PDSS2: variants seen among roughly 807,000 people sequenced by gnomAD.
PDSS2 encodes the protein decaprenyl diphosphate synthase subunit 2.
In PDSS2, 31 loss-of-function variants were observed where a neutral mutation model predicts 44.5. The observed-to-expected ratio is 0.70, with a 90% CI of 0.52 to 0.94. The LOEUF is 0.94. PDSS2 is among the 40% of genes least tolerant of loss of function. The pLI is 0.00. For missense variants in PDSS2, 452 were observed against 482.2 expected (o/e 0.94, Z 0.59); for synonymous variants, 157 against 180.3 (o/e 0.87, Z 1.03).
chr6:107,456,466 G>T (rs957741862), intron 1 of PDSS2, among the ~76,000 whole-genome samples: 2 of 152,142 alleles, frequency 1.3e-5, no homozygotes, highest in Non-Finnish European at 2.9e-5. Context: ...GTCACATAAG[G>T]TCATATGCAA....
At position 107,154,517 on chromosome 6, in the gene PDSS2, CAT is replaced by C; in HGVS notation, c.*100_*101del. On this transcript the variant is annotated 3_prime_UTR_variant, in exon 8 of 8. Coordinates refer to ENST00000369037, the MANE Select transcript of PDSS2 (RefSeq NM_020381.4). ...AATGTGATAAAAGGAAGGAAAAATG[CAT>C]ATGTTTTAAAAGTCATTAACGCATC... The C allele has an allele frequency of 1.9e-6, 2 of 1,053,308 alleles. No homozygotes were observed. Among genetic ancestry groups the C allele is most frequent in the East Asian group, 2.4e-5 (1 of 40,914 alleles). The allele number at this position is 1,053,308 out of a possible 1,614,324, so 65.2% of individuals were successfully genotyped here.
chr6:107,264,223 T>G, intron 3 of PDSS2: 1 of 1,230,990 alleles, frequency 8.1e-7, no homozygotes, highest in Non-Finnish European at 1.0e-6. Context: ...ATAGATGGTG[T>G]AAAGGGAGAT....
At chr6:107,276,682 C>T (rs769381825) in intron 2 of PDSS2, among the ~76,000 whole-genome samples, 1 of 152,196 alleles carries the variant, frequency 6.6e-6, no homozygotes, top group Non-Finnish European at 1.5e-5. Context: ...CCTCTGATAT[C>T]CAAGCCATGT....
rs1224052809 is a variant in PDSS2, at chr6:107,154,410, G to C, written c.*209C>G. The C allele has an allele frequency of 3.7e-6, 2 of 538,432 alleles. No individual in the cohort carries two copies. The highest frequency in any genetic ancestry group is 1.9e-5 in the African/African-American group (1 of 52,686). The allele number at this position is 538,432 out of a possible 1,614,324, so 33.4% of individuals were successfully genotyped here. On this transcript the variant is annotated 3_prime_UTR_variant, in exon 8 of 8. Transcript: ENST00000369037. ...CTGCAGCCTCAAGTGTGCTTCTGGC[G>C]TGACAAGTGAAAACTGCTTGACCTT...
intron 1 of PDSS2, among the ~76,000 whole-genome samples, chr6:107,419,665 T>C (rs1281303136): frequency 6.6e-6 from 1 of 152,198 alleles, no homozygotes; most frequent in Non-Finnish European, 1.5e-5. Context: ...TCTACTGTAT[T>C]TTCCAGGTAT....
chr6:107,170,200 T>C (rs1461099279), intron 7 of PDSS2, among the ~76,000 whole-genome samples: 1 of 152,148 alleles, frequency 6.6e-6, no homozygotes, highest in African/African-American at 2.4e-5. Flanking sequence ...ACCAGCCTTG[T>C]TGCTGCCTTG....
chr6:107,255,856 CAT>C (rs1775002045), intron 3 of PDSS2, among the ~76,000 whole-genome samples: 1 of 152,082 alleles, frequency 6.6e-6, no homozygotes, highest in African/African-American at 2.4e-5. Flanking sequence ...TTACCAAAAA[CAT>C]GTAAATGAAG....
At chr6:107,191,394 G>A (rs937541956) in intron 7 of PDSS2, among the ~76,000 whole-genome samples, 1 of 152,154 alleles carries the variant, frequency 6.6e-6, no homozygotes, top group African/African-American at 2.4e-5. Context: ...AGAAAATGTA[G>A]GCTATAAAAC....
chr6:107,293,294 G>A lies in PDSS2; in HGVS notation c.432-19067C>T, dbSNP rs575531833. ...CCTGCCTCTCTGACCCCCATCTACC[G>A]AAGCAAAACGACTGTCCTATTTCTT... On this transcript the variant is annotated intron_variant, in intron 2 of 7. Coordinates refer to ENST00000369037, the MANE Select transcript of PDSS2 (RefSeq NM_020381.4). Among the ~76,000 whole-genome samples the A allele has an allele frequency of 1.3e-4, 20 of 152,232 alleles. No individual in the cohort carries two copies. In the East Asian group the frequency reaches 3.5e-3, roughly 26 times the overall value.
At chr6:107,334,978 C>T (rs1777837964) in intron 1 of PDSS2, among the ~76,000 whole-genome samples, 1 of 151,736 alleles carries the variant, frequency 6.6e-6, no homozygotes, top group African/African-American at 2.4e-5. Flanking sequence ...ATGGTGAAAC[C>T]CCGTCCTTAC....
intron 6 of PDSS2, among the ~76,000 whole-genome samples, chr6:107,201,687 T>G (rs1443531261): frequency 6.6e-6 from 1 of 152,178 alleles, no homozygotes; most frequent in Non-Finnish European, 1.5e-5. Flanking sequence ...AAACTAATAT[T>G]CCACAGCAGG....
At position 107,334,374 on chromosome 6, in the gene PDSS2, C is replaced by T. The variant is rs377687811; in HGVS notation, c.297-42G>A. 28 of 1,589,548 alleles carry T rather than the reference C, an allele frequency of 1.8e-5. No homozygotes were observed. In the African/African-American group the frequency reaches 2.1e-4, roughly 12 times the overall value. On this transcript the variant is annotated intron_variant, in intron 1 of 7. Transcript: ENST00000369037. ...AAGGAAGAGGATTAATATACCCTCACGAGATCATCAGATAACTTAGAAAAC... is the reference window on the plus strand; with the variant it reads ...AAGGAAGAGGATTAATATACCCTCATGAGATCATCAGATAACTTAGAAAAC...
chr6:107,353,309 T>C (rs1778488983), intron 1 of PDSS2, among the ~76,000 whole-genome samples: 2 of 152,188 alleles, frequency 1.3e-5, no homozygotes, highest in Admixed American at 1.3e-4. Context: ...AGAATAACAA[T>C]AAAGCATATA....
chr6:107,282,881 A>C (rs1220890690), intron 2 of PDSS2, among the ~76,000 whole-genome samples: 1 of 150,746 alleles, frequency 6.6e-6, no homozygotes, highest in African/African-American at 2.4e-5. Context: ...AAAAAAAAAA[A>C]AAAAGAAGAA....
At chr6:107,392,234 T>G (rs1779806604) in intron 1 of PDSS2, among the ~76,000 whole-genome samples, 1 of 152,182 alleles carries the variant, frequency 6.6e-6, no homozygotes, top group Admixed American at 6.5e-5. Context: ...ATCGGCCAAG[T>G]GTAACTTTGC....
chr6:107,375,474 C>G (rs1779258596), intron 1 of PDSS2, among the ~76,000 whole-genome samples: 1 of 152,120 alleles, frequency 6.6e-6, no homozygotes, highest in South Asian at 2.1e-4. Context: ...CATTCAATAA[C>G]TTAGATGGGA....
At chr6:107,203,427 T>C (rs1772858222) in intron 6 of PDSS2, among the ~76,000 whole-genome samples, 1 of 152,140 alleles carries the variant, frequency 6.6e-6, no homozygotes, top group African/African-American at 2.4e-5. Flanking sequence ...GATTGGGCTT[T>C]TCTCTTGTGC....
intron 2 of PDSS2, among the ~76,000 whole-genome samples, chr6:107,297,545 G>T (rs1776551502): frequency 6.6e-6 from 1 of 151,692 alleles, no homozygotes; most frequent in African/African-American, 2.4e-5. Context: ...ACCATGCCCG[G>T]CTAATTTTTG....
chr6:107,266,386 A>ATTTTTTTTTTTT (rs61087986), intron 3 of PDSS2, among the ~76,000 whole-genome samples: 1 of 143,252 alleles, frequency 7.0e-6, no homozygotes. Context: ...CCCCTGAGGC[A>ATTTTTTTTTTTT]TTTTTTTTTT....
Sources: gnomAD v4.1 joint callset for allele counts (sites outside exome capture counted in the v4.1 genomes callset) on GRCh38, gnomAD v4.1.1 for gene constraint, MANE v1.5 for transcripts, NCBI Gene and HGNC (gene_info 2026-07-23, HGNC 2026-07-21) for gene names.